SNX7: variants seen among roughly 807,000 people sequenced by gnomAD.
The protein encoded by SNX7 is sorting nexin 7, also known as sorting nexin-7.
Under a neutral mutation model 48.4 loss-of-function variants are expected in SNX7, and 35 were observed. The ratio of observed to expected loss-of-function variants is 0.72; its 90% CI spans 0.55 to 0.96. The LOEUF (loss-of-function observed/expected upper bound fraction) is 0.96. Among genes scored for constraint, SNX7 ranks in the 40% least tolerant of loss-of-function variants. The probability of loss-of-function intolerance (pLI) is 0.00; values close to 1 mark genes in which losing one functional copy is unlikely to be tolerated. For missense variants in SNX7, 553 were observed against 548.9 expected (o/e 1.01, Z -0.07); for synonymous variants, 190 against 190.2 (o/e 1.00, Z 0.01).
chr1:98,742,614 C>G (rs1287871423), intron 8 of SNX7, among the ~76,000 whole-genome samples: 1 of 151,872 alleles, frequency 6.6e-6, no homozygotes, highest in East Asian at 1.9e-4. Flanking sequence ...GTTTTATTAT[C>G]TTATTTTTCT....
chr1:98,758,526 A>T (rs779318139), intron 8 of SNX7, among the ~76,000 whole-genome samples: 2 of 152,094 alleles, frequency 1.3e-5, no homozygotes, highest in Admixed American at 6.6e-5. Context: ...GAATCAATTC[A>T]TTACAGTGAC....
At chr1:98,723,782 T>C (rs67882326) in intron 7 of SNX7, among the ~76,000 whole-genome samples, 40,060 of 136,464 alleles carry the variant, frequency 0.29, 5,620 homozygotes, top group South Asian at 0.35. Context: ...GCTTGATTGA[T>C]CCCGGGAGGC....
chr1:98,673,444 A>AT (rs1213105698), intron 1 of SNX7, among the ~76,000 whole-genome samples: 4 of 152,048 alleles, frequency 2.6e-5, no homozygotes, highest in Non-Finnish European at 5.9e-5. Context: ...AACCTGCTCC[A>AT]TTTTTTCCTA....
intron 8 of SNX7, among the ~76,000 whole-genome samples, chr1:98,754,184 T>C (rs1308772329): frequency 2.0e-5 from 3 of 152,138 alleles, no homozygotes; most frequent in African/African-American, 7.2e-5. Flanking sequence ...ACTTGAATGT[T>C]AATCCAGTCT....
chr1:98,691,537 A>G lies in SNX7; in HGVS notation c.477A>G (p.Pro159=), dbSNP rs368114428. 5.7e-6 allele frequency: 9 copies of G among 1,572,804 alleles called. No homozygotes were observed. In the African/African-American group the frequency reaches 9.7e-5, roughly 17 times the overall value. ...CTTTTTAATTTTTTTTGCCTTAGCC[A>G]TTGCCAGAAAAGTTTATAGTAAAAG... The part of the protein sequence containing the change: ...EEAHPTLIIP[P]LPEKFIVKGM... The change falls in exon 4 of 9, where the codon CCA becomes CCG. Residue 159 remains proline (P), a splice_region_variant and synonymous_variant. Transcript: ENST00000306121.
At chr1:98,728,274 T>A (rs1000907126) in intron 7 of SNX7, among the ~76,000 whole-genome samples, 1 of 152,150 alleles carries the variant, frequency 6.6e-6, no homozygotes, top group African/African-American at 2.4e-5. Flanking sequence ...GAATCTCATA[T>A]CTGGCCAAAC....
intron 4 of SNX7, among the ~76,000 whole-genome samples, chr1:98,693,184 GGAT>G (rs1651242765): frequency 2.6e-5 from 4 of 151,980 alleles, no homozygotes; most frequent in Non-Finnish European, 5.9e-5. Flanking sequence ...ATGGATGGAT[GGAT>G]GGATGGATGG....
chr1:98,755,748 G>T (rs1430579536), intron 8 of SNX7, among the ~76,000 whole-genome samples: 1 of 151,634 alleles, frequency 6.6e-6, no homozygotes, highest in Non-Finnish European at 1.5e-5. Context: ...ACAGGCATGA[G>T]CCACCATGCC....
chr1:98,740,801 A>G (rs1021236084), intron 8 of SNX7, among the ~76,000 whole-genome samples: 5 of 152,160 alleles, frequency 3.3e-5, no homozygotes, highest in African/African-American at 1.2e-4. Flanking sequence ...AGTGTACTAC[A>G]TTTCTAAATG....
intron 1 of SNX7, among the ~76,000 whole-genome samples, chr1:98,682,803 A>G (rs1490036756): frequency 6.6e-6 from 1 of 152,198 alleles, no homozygotes; most frequent in Admixed American, 6.5e-5. Context: ...GAGACCTCAC[A>G]GGCCCTATCA....
chr1:98,756,945 G>GA (rs1291635600), intron 8 of SNX7, among the ~76,000 whole-genome samples: 2 of 152,078 alleles, frequency 1.3e-5, no homozygotes, highest in Non-Finnish European at 2.9e-5. Context: ...CATAGTGGTG[G>GA]ATCCCTTATG....
rs543297706 is a variant in SNX7, at chr1:98,675,125, G to T, written c.181-9760G>T. On this transcript the variant is annotated intron_variant, in intron 1 of 8. Transcript: ENST00000306121. ...TGGAGGTGAGACCTTTGTTTGGAAA[G>T]AACAAATTTTATTGATCCATTTCTC... Among the ~76,000 whole-genome samples, 215 of 152,292 alleles carry T rather than the reference G, an allele frequency of 1.4e-3. 1 individual carries two copies. The highest frequency in any genetic ancestry group is 2.6e-3 in the Non-Finnish European group (177 of 68,010).
At chr1:98,695,442 A>G in intron 4 of SNX7, 76 bp from the exon 5 acceptor site, 1 of 1,367,392 alleles carries the variant, frequency 7.3e-7, no homozygotes, top group South Asian at 1.3e-5. Flanking sequence ...TATTCTCCTA[A>G]TTAGGTTTAT....
chr1:98,740,595 T>G (rs1289249968), intron 8 of SNX7, among the ~76,000 whole-genome samples: 1 of 152,140 alleles, frequency 6.6e-6, no homozygotes, highest in East Asian at 1.9e-4. Context: ...TCCACAGAAT[T>G]TCAACTAAAA....
chr1:98,744,163 A>T (rs1570602034), intron 8 of SNX7, among the ~76,000 whole-genome samples: 2 of 152,178 alleles, frequency 1.3e-5, no homozygotes, highest in East Asian at 3.9e-4. Context: ...AAAGCAAAGG[A>T]AGGAAAATTT....
chr1:98,721,941 T>C (rs1652896138), intron 7 of SNX7, among the ~76,000 whole-genome samples: 1 of 152,226 alleles, frequency 6.6e-6, no homozygotes, highest in East Asian at 1.9e-4. Context: ...TAGAAAGAAG[T>C]GAATCCTTTA....
chr1:98,756,424 T>TTTTG (rs1654855051), intron 8 of SNX7, among the ~76,000 whole-genome samples: 1 of 126,164 alleles, frequency 7.9e-6, no homozygotes, highest in African/African-American at 3.7e-5. Flanking sequence ...CCAGATGAGT[T>TTTTG]TTTTTTTTTT....
intron 7 of SNX7, among the ~76,000 whole-genome samples, chr1:98,705,813 A>T (rs1282331385): frequency 6.6e-6 from 1 of 152,136 alleles, no homozygotes; most frequent in Non-Finnish European, 1.5e-5. Flanking sequence ...CTCAGTATGG[A>T]TGCAGTGGGA....
At chr1:98,705,799 T>G (rs1651976495) in intron 7 of SNX7, among the ~76,000 whole-genome samples, 1 of 152,064 alleles carries the variant, frequency 6.6e-6, no homozygotes, top group Non-Finnish European at 1.5e-5. Flanking sequence ...TACTTTATCC[T>G]TTGCTCAGTA....
Sources: allele counts gnomAD v4.1 joint callset (sites outside exome capture counted in the v4.1 genomes callset), GRCh38; gene constraint gnomAD v4.1.1; transcripts MANE v1.5; gene names NCBI Gene and HGNC (gene_info 2026-07-23, HGNC 2026-07-21).